Variants in TOP2A observed in about 807,000 individuals in gnomAD.
TOP2A encodes the protein DNA topoisomerase 2-alpha.
In TOP2A, 68 loss-of-function variants were observed where a neutral mutation model predicts 187.2. That is an observed-to-expected ratio of 0.36 (90% CI 0.30 to 0.44). TOP2A has a LOEUF of 0.44. TOP2A is among the 20% of genes least tolerant of loss of function. TOP2A has a pLI of 1.00. For missense variants in TOP2A, 1,196 were observed against 1,808.7 expected (o/e 0.66, Z 6.14); for synonymous variants, 542 against 593.2 (o/e 0.91, Z 1.25).
intron 4 of TOP2A, among the ~76,000 whole-genome samples, chr17:40,414,652 G>A (rs2035368082): frequency 6.6e-6 from 1 of 151,930 alleles, no homozygotes; most frequent in South Asian, 2.1e-4. Context: ...TCAGGAGTTC[G>A]AGACCAGCCT....
chr17:40,412,819 T>A lies in TOP2A; in HGVS notation c.729A>T (p.Ala243=). The change falls in exon 7 of 35, where the codon GCA becomes GCT. Residue 243 remains alanine (A), a synonymous_variant. Coordinates refer to ENST00000423485, the MANE Select transcript of TOP2A (RefSeq NM_001067.4). ...KDIVALMVRR[A]YDIAGSTKDV... ...CTTTGGTGGATCCAGCAATATCATA[T>A]GCTCTTCTGACCATTAGTGCAACAA... is the stretch of plus-strand genomic sequence containing the variant. The A allele has an allele frequency of 6.2e-7, 1 of 1,614,030 alleles. No homozygotes were observed. The highest frequency in any genetic ancestry group is 8.5e-7 in the Non-Finnish European group (1 of 1,179,894).
rs2035154513 is a variant in TOP2A at position 40,399,919 on chromosome 17, T to G, written c.3149A>C (p.Asn1050Thr). The G allele has an allele frequency of 3.1e-6, 5 of 1,611,416 alleles. No individual in the cohort carries two copies. Among genetic ancestry groups the G allele is most frequent in the Middle Eastern group, 1.7e-4 (1 of 6,046 alleles). Reference protein sequence around the residue: ...MLGAESAKLNNQARFILEKID... With the variant: ...MLGAESAKLNTQARFILEKID... ...TTTCTCTAAGATAAAGCGAGCCTGA[T>G]TATTCAGTTTAGCAGATTCAGCACC... Residue 1050 changes from asparagine to threonine, a missense_variant, in exon 24 of 35, where the codon AAT becomes ACT. Around this residue, in one of 10 missense-constraint regions of TOP2A, gnomAD observed 232 missense variants for 306.1 expected, o/e 0.76. Coordinates refer to ENST00000423485, the MANE Select transcript of TOP2A (RefSeq NM_001067.4).
intron 1 of TOP2A, 54 bp from the exon 2 acceptor site, chr17:40,416,949 C>T: frequency 1.4e-6 from 2 of 1,461,918 alleles, no homozygotes; most frequent in Non-Finnish European, 1.8e-6. Context: ...ATAAGTTTAC[C>T]CTAAACTAGG....
chr17:40,408,576 G>C lies in TOP2A; in HGVS notation c.1258C>G (p.Gln420Glu). 1 of 1,613,608 alleles carries C rather than the reference G, an allele frequency of 6.2e-7. No individual in the cohort carries two copies. Among genetic ancestry groups the C allele is most frequent in the Non-Finnish European group, 8.5e-7 (1 of 1,179,688 alleles). Residue 420 changes from glutamine (Q) to glutamate (E), a missense_variant, in exon 11 of 35, where the codon CAA becomes GAA. Gln to Glu is a conservative substitution (Grantham distance 29). This residue lies in a region of TOP2A where 252 missense variants were observed against 434.8 expected (regional missense o/e 0.58). Transcript: ENST00000423485. ...SILNWVKFKA[Q>E]VQLNKKCSAV... Reference sequence around the variant, plus strand: ...GAACACTTCTTGTTTAACTGGACTTGGGCCTTAAACTTCACCCAGTTTAGT... The same window carrying C: ...GAACACTTCTTGTTTAACTGGACTTCGGCCTTAAACTTCACCCAGTTTAGT...
intron 34 of TOP2A, 54 bp downstream of exon 34, chr17:40,389,911 G>C: frequency 6.6e-7 from 1 of 1,525,814 alleles, no homozygotes. Flanking sequence ...CAATGGCTTA[G>C]TTACGTGTTT....
chr17:40,391,938 C>T, intron 32 of TOP2A, 130 bp downstream of exon 32: 2 of 1,034,310 alleles, frequency 1.9e-6, no homozygotes. Context: ...ACAGTATCAA[C>T]ATAATGTTAA....
rs1343119460 is a variant in TOP2A, at chr17:40,412,945, A to T, written c.603T>A (p.Ala201=). The change falls in exon 7 of 35, where the codon GCT becomes GCA. Residue 201 remains alanine, a synonymous_variant. Coordinates refer to ENST00000423485, the MANE Select transcript of TOP2A (RefSeq NM_001067.4). The part of the protein sequence containing the change: ...KQTWMDNMGR[A]GEMELKPFNG... ...TGAAGGGCTTGAGTTCCATCTCACC[A>T]GCTCTTCCCATATTATCCATCCATG... 1.9e-6 allele frequency: 3 copies of T among 1,613,160 alleles called. No homozygotes were observed. In the African/African-American group the frequency reaches 4.0e-5, roughly 22 times the overall value.
rs758896410 is a variant in TOP2A, at chr17:40,399,016, T to C, written c.3288+24A>G. ...GTACAATACATAGTCTTTAACAATATAGAAAAGTGCCACCCAAGATTACCT... is the reference window on the plus strand; with the variant it reads ...GTACAATACATAGTCTTTAACAATACAGAAAAGTGCCACCCAAGATTACCT... On this transcript the variant is annotated intron_variant, in intron 25 of 34. Coordinates refer to ENST00000423485, the MANE Select transcript of TOP2A (RefSeq NM_001067.4). 1.5e-5 allele frequency: 24 copies of C among 1,591,904 alleles called. No homozygotes were observed. In the South Asian group the frequency reaches 2.0e-4, roughly 13 times the overall value.
At chr17:40,404,317 C>T (rs773340307) in intron 18 of TOP2A, 44 bp from the exon 19 acceptor site, 1 of 1,608,654 alleles carries the variant, frequency 6.2e-7, no homozygotes, top group Non-Finnish European at 8.5e-7. Flanking sequence ...CTCAATTTAA[C>T]CAATTTTGGA....
chr17:40,407,263 TCAAA>T (rs1234572079), intron 13 of TOP2A, among the ~76,000 whole-genome samples: 11 of 152,176 alleles, frequency 7.2e-5, no homozygotes, highest in East Asian at 3.8e-4. Flanking sequence ...AAACTCCATC[TCAAA>T]CAAACAAAGA....
intron 1 of TOP2A, 74 bp from the exon 2 acceptor site, chr17:40,416,969 C>T (rs912493602): frequency 1.5e-6 from 2 of 1,303,574 alleles, no homozygotes; most frequent in Non-Finnish European, 1.0e-6. Flanking sequence ...GAACAAAATG[C>T]CTACCATAGT....
intron 17 of TOP2A, 38 bp downstream of exon 17, chr17:40,404,753 T>A: frequency 7.3e-7 from 1 of 1,364,888 alleles, no homozygotes; most frequent in Non-Finnish European, 1.0e-6. Flanking sequence ...AAGGTCAGTC[T>A]AACAATCCAT....
At chr17:40,414,278 G>C (rs1402323852) in intron 4 of TOP2A, among the ~76,000 whole-genome samples, 1 of 152,130 alleles carries the variant, frequency 6.6e-6, no homozygotes, top group African/African-American at 2.4e-5. Context: ...GCTTACTGCA[G>C]TCTTGACCTC....
At chr17:40,416,719 C>T in intron 2 of TOP2A, 21 bp downstream of exon 2, 2 of 1,604,270 alleles carry the variant, frequency 1.2e-6, no homozygotes, top group Non-Finnish European at 1.7e-6. Context: ...GGTTAACTGC[C>T]TTTGATGAGC....
chr17:40,408,655 G>C (rs1421514440), intron 10 of TOP2A, 25 bp from the exon 11 acceptor site: 1 of 1,611,242 alleles, frequency 6.2e-7, no homozygotes, highest in Non-Finnish European at 8.5e-7. Context: ...ATTCATATTA[G>C]GGATCATATT....
chr17:40,402,110 A>G (rs1381902234), intron 20 of TOP2A, among the ~76,000 whole-genome samples: 1 of 152,180 alleles, frequency 6.6e-6, no homozygotes, highest in Non-Finnish European at 1.5e-5. Flanking sequence ...TGGCTGAGGA[A>G]CTGGATGTTA....
chr17:40,399,787 T>G, intron 24 of TOP2A, 85 bp downstream of exon 24: 1 of 1,220,626 alleles, frequency 8.2e-7, no homozygotes, highest in Non-Finnish European at 1.1e-6. Context: ...TGCCTCTTTC[T>G]CCACCATTAC....
intron 19 of TOP2A, among the ~76,000 whole-genome samples, chr17:40,403,646 A>G (rs2035207051): frequency 6.6e-6 from 1 of 152,218 alleles, no homozygotes; most frequent in Admixed American, 6.5e-5. Flanking sequence ...GTGTAAAGTC[A>G]AACAATTCAG....
chr17:40,389,868 A>C, intron 34 of TOP2A, 97 bp downstream of exon 34: 1 of 1,328,308 alleles, frequency 7.5e-7, no homozygotes, highest in Non-Finnish European at 1.0e-6. Flanking sequence ...TATGAGAGTT[A>C]ATTTTCTTAA....
Sources: allele counts gnomAD v4.1 joint callset (sites outside exome capture counted in the v4.1 genomes callset), GRCh38; gene constraint gnomAD v4.1.1; regional missense constraint gnomAD v4.1.1; transcripts MANE v1.5; gene names NCBI Gene and HGNC (gene_info 2026-07-23, HGNC 2026-07-21).